MAGI2: variants seen among roughly 807,000 people sequenced by gnomAD.
MAGI2 encodes membrane-associated guanylate kinase, WW and PDZ domain-containing protein 2.
MAGI2 carries 35 observed loss-of-function variants against 133.3 expected under a neutral mutation model. The ratio of observed to expected loss-of-function variants is 0.26; its 90% CI spans 0.20 to 0.35. The LOEUF is 0.35. Ranked by LOEUF, MAGI2 falls within the 10% of genes least tolerant of loss-of-function variation. The pLI is 1.00. For missense variants in MAGI2, 1,636 were observed against 1,863.4 expected, an observed-to-expected ratio of 0.88 and a Z score of 2.25; for synonymous variants, 729 against 710.6, an observed-to-expected ratio of 1.03 and a Z score of -0.41.
At chr7:78,961,212 C>T (rs1307705434) in intron 2 of MAGI2, among the ~76,000 whole-genome samples, 1 of 152,062 alleles carries the variant, frequency 6.6e-6, no homozygotes, top group African/African-American at 2.4e-5. Context: ...AATGAAGTCA[C>T]CAATGACCTG....
intron 2 of MAGI2, among the ~76,000 whole-genome samples, chr7:78,647,188 T>G (rs1810986064): frequency 6.6e-6 from 1 of 152,256 alleles, no homozygotes; most frequent in Admixed American, 6.5e-5. Context: ...AGCAGAACTA[T>G]TATCAGAGTG....
At chr7:78,415,194 T>G (rs1164967401) in intron 6 of MAGI2, among the ~76,000 whole-genome samples, 3 of 152,086 alleles carry the variant, frequency 2.0e-5, no homozygotes, top group African/African-American at 7.2e-5. Flanking sequence ...TTAAGTTATA[T>G]CTTCATAATT....
chr7:78,246,172 C>T (rs563091560), intron 10 of MAGI2, among the ~76,000 whole-genome samples: 6 of 152,152 alleles, frequency 3.9e-5, no homozygotes, highest in Admixed American at 1.3e-4. Flanking sequence ...TCTACACCTC[C>T]CAGTAACTGC....
At chr7:78,094,194 A>G (rs1003018411) in intron 20 of MAGI2, among the ~76,000 whole-genome samples, 1 of 152,164 alleles carries the variant, frequency 6.6e-6, no homozygotes, top group African/African-American at 2.4e-5. Context: ...TTAACACTGT[A>G]TGGGTGACTG....
chr7:78,406,830 A>G (rs541550476), intron 6 of MAGI2, among the ~76,000 whole-genome samples: 1 of 152,084 alleles, frequency 6.6e-6, no homozygotes, highest in African/African-American at 2.4e-5. Context: ...AGTGAAAGGG[A>G]TGTTCAATGT....
intron 1 of MAGI2, among the ~76,000 whole-genome samples, chr7:79,361,003 G>T (rs1842343035): frequency 6.6e-6 from 1 of 152,094 alleles, no homozygotes; most frequent in African/African-American, 2.4e-5. Context: ...ATAGATAGAT[G>T]AAAGTAAAAA....
intron 1 of MAGI2, chr7:79,410,687 T>C (rs546738190): frequency 3.9e-5 from 6 of 152,242 alleles, no homozygotes; most frequent in African/African-American, 1.4e-4. Flanking sequence ...CCCACTCAAA[T>C]AGGTTTATTT....
In MAGI2 at chr7:78,521,469, T is replaced by TCTGTTC. The variant is rs748792866; in HGVS notation, c.714_715insGAACAG (p.Glu238_Arg239insGluGln). 8.2e-5 allele frequency: 133 copies of TCTGTTC among 1,613,986 alleles called. No homozygotes were observed. The highest frequency in any genetic ancestry group is 1.1e-4 in the Non-Finnish European group (132 of 1,180,004). ...ACTCCATTTCCATTGACCACAGGCC[T>TCTGTTC]CTCTTCCTCTTCCTCCTCAGGAGGC... On this transcript the variant is annotated inframe_insertion, in exon 4 of 22. Transcript: ENST00000354212.
intron 2 of MAGI2, among the ~76,000 whole-genome samples, chr7:78,909,911 T>C (rs1252371543): frequency 6.6e-6 from 1 of 152,072 alleles, no homozygotes; most frequent in Non-Finnish European, 1.5e-5. Flanking sequence ...ATAGACTGGA[T>C]AAAGAAAATG....
At chr7:78,560,199 G>T (rs921509793) in intron 3 of MAGI2, among the ~76,000 whole-genome samples, 1 of 152,184 alleles carries the variant, frequency 6.6e-6, no homozygotes, top group Non-Finnish European at 1.5e-5. Flanking sequence ...TTGAGACAGA[G>T]ATATTAAAAT....
intron 21 of MAGI2, among the ~76,000 whole-genome samples, chr7:78,044,939 C>T (rs568701878): frequency 3.9e-5 from 6 of 152,266 alleles, no homozygotes; most frequent in Admixed American, 1.3e-4. Flanking sequence ...AAGGCCAAGG[C>T]GGGTGGATCA....
chr7:78,655,371 TC>T (rs1196080292), intron 2 of MAGI2, among the ~76,000 whole-genome samples: 1 of 144,404 alleles, frequency 6.9e-6, no homozygotes, highest in Non-Finnish European at 1.5e-5. Context: ...CTCCTTTCTT[TC>T]CTACCATGCA....
At chr7:78,719,307 A>AT (rs1169014782) in intron 2 of MAGI2, among the ~76,000 whole-genome samples, 16 of 152,202 alleles carry the variant, frequency 1.1e-4, no homozygotes, top group Admixed American at 2.6e-4. Context: ...AATAATACCC[A>AT]TTTTTTGTAT....
chr7:79,385,115 G>A (rs543866334), intron 1 of MAGI2, among the ~76,000 whole-genome samples: 3 of 151,700 alleles, frequency 2.0e-5, no homozygotes, highest in African/African-American at 7.3e-5. Context: ...TAAAAGATCT[G>A]AGCATACTGA....
intron 16 of MAGI2, among the ~76,000 whole-genome samples, chr7:78,137,043 C>G (rs555287916): frequency 2.0e-5 from 3 of 152,286 alleles, no homozygotes; most frequent in Admixed American, 1.3e-4. Context: ...ATCTTAGAAT[C>G]TTAGGACAAT....
intron 2 of MAGI2, among the ~76,000 whole-genome samples, chr7:78,965,927 C>T (rs1262290520): frequency 6.6e-6 from 1 of 152,002 alleles, no homozygotes; most frequent in East Asian, 1.9e-4. Context: ...CAACCTCATC[C>T]CTCATCCCTC....
chr7:78,599,979 C>G (rs1453930410), intron 3 of MAGI2, among the ~76,000 whole-genome samples: 1 of 152,148 alleles, frequency 6.6e-6, no homozygotes, highest in Non-Finnish European at 1.5e-5. Flanking sequence ...ATGAATCAAA[C>G]CCTTTAAGCA....
At chr7:79,011,029 T>G (rs2116574144) in intron 1 of MAGI2, 1 of 152,150 alleles carries the variant, frequency 6.6e-6, no homozygotes, top group South Asian at 2.1e-4. Context: ...CAGAAGAACG[T>G]TTGGAATAGA....
chr7:79,269,709 C>T (rs1834738377), intron 1 of MAGI2, among the ~76,000 whole-genome samples: 1 of 152,132 alleles, frequency 6.6e-6, no homozygotes, highest in Admixed American at 6.5e-5. Context: ...CTTGTGATCT[C>T]CAAGCTGTTT....
Sources: allele counts gnomAD v4.1 joint callset (sites outside exome capture counted in the v4.1 genomes callset), GRCh38; gene constraint gnomAD v4.1.1; transcripts MANE v1.5; gene names NCBI Gene and HGNC (gene_info 2026-07-23, HGNC 2026-07-21).